ITPR1: variants seen among roughly 807,000 people sequenced by gnomAD.
ITPR1 encodes inositol 1,4,5-trisphosphate receptor type 1, also known as inositol 1,4,5-trisphosphate-gated calcium channel ITPR1.
Under a neutral mutation model 318.4 loss-of-function variants are expected in ITPR1, and 96 were observed. The observed-to-expected ratio is 0.30, with a 90% CI of 0.26 to 0.36. The LOEUF is 0.36. Among genes scored for constraint, ITPR1 ranks in the 10% least tolerant of loss-of-function variants. The pLI, the probability that ITPR1 is intolerant of heterozygous loss-of-function variation, is 1.00. For synonymous variants in ITPR1, 1,312 were observed against 1,289.9 expected (o/e 1.02, Z -0.37); for missense variants, 2,440 against 3,460.2 (o/e 0.71, Z 7.40).
At chr3:4,595,609 G>T (rs970810153) in intron 4 of ITPR1, among the ~76,000 whole-genome samples, 2 of 152,198 alleles carry the variant, frequency 1.3e-5, no homozygotes, top group African/African-American at 4.8e-5. Flanking sequence ...GCCATTTTAT[G>T]TATGAGGAGC....
At chr3:4,617,762 T>A (rs1362412690) in intron 4 of ITPR1, among the ~76,000 whole-genome samples, 1 of 151,492 alleles carries the variant, frequency 6.6e-6, no homozygotes, top group African/African-American at 2.4e-5. Context: ...GGTGGATAAA[T>A]CGCTTGAGCA....
chr3:4,623,110 C>T lies in ITPR1; in HGVS notation c.164-4653C>T, dbSNP rs370737334. 3.3e-4 allele frequency among the ~76,000 whole-genome samples: 50 copies of T among 152,326 alleles called. 1 individual carries two copies. In the East Asian group the frequency reaches 8.3e-3, roughly 25 times the overall value. ...CTGCCCCAACCCAGAGTGCTGGAAG[C>T]ACACCTGTGGCTCCCCTTGCTCCCA... On this transcript the variant is annotated intron_variant, in intron 4 of 61. Transcript: ENST00000649015.
At position 4,762,032 on chromosome 3, in the gene ITPR1, C is replaced by G. The variant is rs184652960; in HGVS notation, c.5545-4498C>G. On this transcript the variant is annotated intron_variant, in intron 44 of 61. Transcript: ENST00000649015. The stretch of plus-strand genomic sequence containing the variant: ...TGAGGGCCCTCTGCCTCCCTTCGCT[C>G]CAAGGGCACGCCCCTTCTAAGAAGA... Among the ~76,000 whole-genome samples the G allele has an allele frequency of 4.0e-5, 6 of 148,410 alleles. No individual in the cohort carries two copies. The East Asian group carries it at 9.7e-4, about 24-fold the overall frequency.
At chr3:4,684,930 G>A (rs926226711) in intron 29 of ITPR1, 139 bp from the exon 30 acceptor site, 25 of 754,768 alleles carry the variant, frequency 3.3e-5, no homozygotes, top group Non-Finnish European at 4.6e-5. Flanking sequence ...CAACAGAAAT[G>A]CCACATACTG....
intron 4 of ITPR1, among the ~76,000 whole-genome samples, chr3:4,585,817 C>T (rs776308442): frequency 3.3e-5 from 5 of 152,012 alleles, no homozygotes; most frequent in African/African-American, 9.7e-5. Flanking sequence ...ATGTGCAGAA[C>T]GTGCAGTTTT....
intron 35 of ITPR1, 135 bp from the exon 36 acceptor site, chr3:4,702,695 G>T: frequency 1.1e-6 from 1 of 929,284 alleles, no homozygotes; most frequent in Admixed American, 2.3e-5. Context: ...TTGCCTCAGG[G>T]TCCATTAACA....
In ITPR1 at chr3:4,717,198, T is replaced by C. The variant is rs150442141; in HGVS notation, c.5104-169T>C. Among the ~76,000 whole-genome samples the C allele has an allele frequency of 5.5e-3, 832 of 152,358 alleles. 9 individuals are homozygous for C. Among genetic ancestry groups the C allele is most frequent in the African/African-American group, 0.019 (798 of 41,582 alleles). ...CGTTTTGGTCCTGAGCAGATGTCACTGTGAGCTCTGGCCGTGTCCTAAGCG... is the reference window on the plus strand; with the variant it reads ...CGTTTTGGTCCTGAGCAGATGTCACCGTGAGCTCTGGCCGTGTCCTAAGCG... On this transcript the variant is annotated intron_variant, in intron 39 of 61. Transcript: ENST00000649015.
In ITPR1 at chr3:4,581,588, A is replaced by G. The variant is rs551923592; in HGVS notation, c.164-46175A>G. Among the ~76,000 whole-genome samples, 4 of 152,370 alleles carry G rather than the reference A, an allele frequency of 2.6e-5. No individual in the cohort carries two copies. In the East Asian group the frequency reaches 5.8e-4, roughly 22 times the overall value. ...ACACCCACCCCATTACAAGTTTTATATGAAGCAAACATCTATTTTTGCTTT... is the reference window on the plus strand; with the variant it reads ...ACACCCACCCCATTACAAGTTTTATGTGAAGCAAACATCTATTTTTGCTTT... On this transcript the variant is annotated intron_variant, in intron 4 of 61. Coordinates refer to ENST00000649015, the MANE Select transcript of ITPR1 (RefSeq NM_001378452.1).
rs1443280504 is a variant in ITPR1, at chr3:4,733,160, C to A, written c.5293C>A (p.Leu1765Ile). 4.3e-6 allele frequency: 7 copies of A among 1,613,986 alleles called. No homozygotes were observed. The East Asian group carries it at 1.6e-4, about 36-fold the overall frequency. The change falls in exon 43 of 62, where the codon CTT (leucine) becomes ATT (isoleucine). Residue 1765 changes from leucine to isoleucine, a missense_variant. Leu to Ile is a conservative substitution (Grantham distance 5, BLOSUM62 2). Coordinates refer to ENST00000649015, the MANE Select transcript of ITPR1 (RefSeq NM_001378452.1). ...NVRPSGRRESLTSFGNGPLSA... is the reference protein window; with the variant it reads ...NVRPSGRRESITSFGNGPLSA... ...CAGACCTTCGGGACGAAGAGAGAGC[C>A]TTACCAGCTTTGGCAATGGCCCACT...
chr3:4,785,168 T>G (rs2047102765), intron 51 of ITPR1, among the ~76,000 whole-genome samples: 1 of 152,238 alleles, frequency 6.6e-6, no homozygotes, highest in Non-Finnish European at 1.5e-5. Flanking sequence ...ATCTCCATTT[T>G]GCAAATGGGG....
In ITPR1 at chr3:4,693,697, G is replaced by C; in HGVS notation, c.4237G>C (p.Asp1413His). 1 of 1,613,986 alleles carries C rather than the reference G, an allele frequency of 6.2e-7. No homozygotes were observed. Among genetic ancestry groups the C allele is most frequent in the Non-Finnish European group, 8.5e-7 (1 of 1,179,894 alleles). Reference protein sequence around the residue: ...EIKCNSLLPLDDIVRVVTHED... With the variant: ...EIKCNSLLPLHDIVRVVTHED... ...CAAGTGCAACTCCCTGCTCCCGCTG[G>C]ATGACATCGTTCGCGTGGTGACCCA... Residue 1413 changes from aspartate (D) to histidine (H), a missense_variant, in exon 33 of 62, where the codon GAT becomes CAT. Asp to His is a moderately conservative substitution (Grantham distance 81, BLOSUM62 -1). Coordinates refer to ENST00000649015, the MANE Select transcript of ITPR1 (RefSeq NM_001378452.1).
intron 4 of ITPR1, among the ~76,000 whole-genome samples, chr3:4,592,349 C>G (rs562550579): frequency 7.9e-5 from 12 of 152,316 alleles, no homozygotes; most frequent in African/African-American, 2.6e-4. Context: ...ATTCATTGTA[C>G]GTAAACATTT....
At chr3:4,661,948 T>C in intron 14 of ITPR1, 134 bp from the exon 15 acceptor site, 1 of 677,748 alleles carries the variant, frequency 1.5e-6, no homozygotes, top group East Asian at 2.8e-5. Flanking sequence ...GTAGATTTTT[T>C]TCCTATATCA....
intron 40 of ITPR1, among the ~76,000 whole-genome samples, chr3:4,718,040 A>G (rs2041899224): frequency 6.6e-6 from 1 of 152,216 alleles, no homozygotes; most frequent in Non-Finnish European, 1.5e-5. Context: ...CTGTACTTAT[A>G]TATCAAGCTA....
intron 44 of ITPR1, among the ~76,000 whole-genome samples, chr3:4,765,646 A>G (rs1434724330): frequency 6.6e-6 from 1 of 152,100 alleles, no homozygotes; most frequent in Non-Finnish European, 1.5e-5. Flanking sequence ...AGAAGCAAAT[A>G]TATTGTTGGG....
intron 33 of ITPR1, among the ~76,000 whole-genome samples, chr3:4,695,381 A>G (rs1227736994): frequency 6.6e-6 from 1 of 151,832 alleles, no homozygotes; most frequent in Admixed American, 6.6e-5. Context: ...AACAAGCATT[A>G]GTTTGTTTTT....
intron 4 of ITPR1, among the ~76,000 whole-genome samples, chr3:4,537,130 T>A (rs763678114): frequency 1.8e-4 from 28 of 152,264 alleles, no homozygotes; most frequent in Non-Finnish European, 2.9e-4. Flanking sequence ...CGGGTTTTGA[T>A]ATCAAGGTTA....
intron 31 of ITPR1, 32 bp downstream of exon 31, chr3:4,688,652 G>T: frequency 6.2e-7 from 1 of 1,601,424 alleles, no homozygotes; most frequent in Non-Finnish European, 8.5e-7. Flanking sequence ...CAAATCTATA[G>T]AGGGAGGAGG....
chr3:4,621,602 G>A (rs2092636447), intron 4 of ITPR1, among the ~76,000 whole-genome samples: 1 of 152,222 alleles, frequency 6.6e-6, no homozygotes, highest in Non-Finnish European at 1.5e-5. Flanking sequence ...CTTTGCTGAA[G>A]CCTTTGTGTG....
Sources: gnomAD v4.1 joint callset for allele counts (sites outside exome capture counted in the v4.1 genomes callset) on GRCh38, gnomAD v4.1.1 for gene constraint, MANE v1.5 for transcripts, NCBI Gene and HGNC (gene_info 2026-07-23, HGNC 2026-07-21) for gene names.